Variants in PPP1R2 observed in about 807,000 individuals in gnomAD.
PPP1R2 encodes protein phosphatase 1 regulatory inhibitor subunit 2.
PPP1R2 carries 16 observed loss-of-function variants against 29.9 expected under a neutral mutation model. That is an observed-to-expected ratio of 0.53 (90% CI 0.36 to 0.81). The LOEUF (loss-of-function observed/expected upper bound fraction) is 0.81, where lower values mean the gene tolerates loss of function less well. Ranked by LOEUF, PPP1R2 falls within the 30% of genes least tolerant of loss-of-function variation. The pLI, the probability that PPP1R2 is intolerant of heterozygous loss-of-function variation, is 0.00. For synonymous variants in PPP1R2, 76 were observed against 91.5 expected, an observed-to-expected ratio of 0.83 and a Z score of 0.96; for missense variants, 197 against 252.7, an observed-to-expected ratio of 0.78 and a Z score of 1.49.
intron 1 of PPP1R2, among the ~76,000 whole-genome samples, chr3:195,539,337 T>G (rs1053792595): frequency 6.6e-6 from 1 of 152,234 alleles, no homozygotes; most frequent in Non-Finnish European, 1.5e-5. Flanking sequence ...TACTTAGTTA[T>G]GTGGATTTAT....
chr3:195,517,908 C>T (rs1352574716), intron 5 of PPP1R2, among the ~76,000 whole-genome samples: 2 of 152,164 alleles, frequency 1.3e-5, no homozygotes, highest in African/African-American at 4.8e-5. Context: ...GTAATCCTGA[C>T]ACTATGAGAC....
rs1246780060 is a variant in PPP1R2 at position 195,516,205 on chromosome 3, C to A, written c.*691G>T. Reference sequence around the variant, plus strand: ...TACCAAAAACATTAAAAAACAAAAACAAACAAAAACCCCCCAAAAACAAAA... The same window carrying A: ...TACCAAAAACATTAAAAAACAAAAAAAAACAAAAACCCCCCAAAAACAAAA... On this transcript the variant is annotated 3_prime_UTR_variant, in exon 6 of 6. Transcript: ENST00000618156. 3 of 152,360 alleles carry A rather than the reference C, an allele frequency of 2.0e-5. No individual in the cohort carries two copies. Among genetic ancestry groups the A allele is most frequent in the Admixed American group, 1.3e-4 (2 of 15,254 alleles). The allele number at this position is 152,360 out of a possible 1,614,324, so 9.4% of individuals were successfully genotyped here.
At chr3:195,520,207 A>C (rs1167874936) in intron 4 of PPP1R2, among the ~76,000 whole-genome samples, 1 of 152,164 alleles carries the variant, frequency 6.6e-6, no homozygotes, top group Non-Finnish European at 1.5e-5. Context: ...ACGGGGTTTC[A>C]TCATGTTGGC....
intron 4 of PPP1R2, among the ~76,000 whole-genome samples, chr3:195,521,151 T>C (rs1000323691): frequency 9.2e-5 from 14 of 151,650 alleles, no homozygotes; most frequent in African/African-American, 2.7e-4. Context: ...CCGTCTCTAC[T>C]GAAAATACAA....
intron 3 of PPP1R2, among the ~76,000 whole-genome samples, chr3:195,524,425 T>G (rs1718884552): frequency 6.6e-6 from 1 of 152,172 alleles, no homozygotes; most frequent in Admixed American, 6.5e-5. Flanking sequence ...CTGGGGAGGC[T>G]GAGGCACGAG....
intron 1 of PPP1R2, among the ~76,000 whole-genome samples, chr3:195,537,481 T>TTTTTTGTGTGTGTG (rs150119072): frequency 2.3e-5 from 3 of 128,514 alleles, no homozygotes; most frequent in Non-Finnish European, 3.2e-5. Context: ...GGATTAGCTA[T>TTTTTTGTGTGTGTG]TGTGTGTGTG....
At chr3:195,522,243 C>G (rs1161719262) in intron 4 of PPP1R2, among the ~76,000 whole-genome samples, 2 of 152,114 alleles carry the variant, frequency 1.3e-5, no homozygotes, top group African/African-American at 4.8e-5. Flanking sequence ...AAGTGGCATA[C>G]CTGGAGCACA....
At chr3:195,522,414 G>C (rs1718795613) in intron 4 of PPP1R2, among the ~76,000 whole-genome samples, 1 of 152,118 alleles carries the variant, frequency 6.6e-6, no homozygotes, top group Non-Finnish European at 1.5e-5. Context: ...ATGAATTAAT[G>C]AAATTATAAT....
At chr3:195,518,576 A>G (rs940686527) in intron 5 of PPP1R2, among the ~76,000 whole-genome samples, 4 of 151,810 alleles carry the variant, frequency 2.6e-5, no homozygotes, top group Non-Finnish European at 4.4e-5. Flanking sequence ...GCGGGAACCC[A>G]GGAGGCGGAG....
In PPP1R2 at chr3:195,516,942, C is replaced by A. The variant is rs1428650398; in HGVS notation, c.572G>T (p.Gly191Val). ...TTGCTGTTGGTCACTTGGAGTAGAT[C>A]CTGCAAAGATAAAAGAAAAAGTCAA... The part of the protein sequence containing the change: ...ESMNTEESNQ[G>V]STPSDQQQNK... The change falls in exon 6 of 6, where the codon GGA becomes GTA. Residue 191 changes from glycine to valine, a missense_variant and splice_region_variant. Gly to Val is a moderately radical substitution (Grantham distance 109). Transcript: ENST00000618156. The A allele has an allele frequency of 6.2e-7, 1 of 1,611,934 alleles. No individual in the cohort carries two copies. The highest frequency in any genetic ancestry group is 1.1e-5 in the South Asian group (1 of 90,986).
At chr3:195,531,307 GA>G (rs1239160397) in intron 1 of PPP1R2, among the ~76,000 whole-genome samples, 1 of 152,070 alleles carries the variant, frequency 6.6e-6, no homozygotes, top group Non-Finnish European at 1.5e-5. Context: ...TATGTACTTG[GA>G]AAAACCTGCC....
At chr3:195,520,946 G>C (rs925755625) in intron 4 of PPP1R2, among the ~76,000 whole-genome samples, 40 of 152,222 alleles carry the variant, frequency 2.6e-4, no homozygotes, top group African/African-American at 8.4e-4. Context: ...TGGGATTACA[G>C]GTGTAAGACA....
At chr3:195,531,884 G>A (rs1719191930) in intron 1 of PPP1R2, among the ~76,000 whole-genome samples, 1 of 152,134 alleles carries the variant, frequency 6.6e-6, no homozygotes, top group South Asian at 2.1e-4. Flanking sequence ...CCTAGACCTG[G>A]CAACCACCAT....
At position 195,532,042 on chromosome 3, in the gene PPP1R2, C is replaced by CT. The variant is rs1719199225; in HGVS notation, c.123-2142dup. Reference sequence around the variant, plus strand: ...TTGTAGCATGTGTCAGAATGTCTCTCTTTTTTTAAGAGACTGGGTCTCTGT... The same window carrying CT: ...TTGTAGCATGTGTCAGAATGTCTCTCTTTTTTTTAAGAGACTGGGTCTCTGT... On this transcript the variant is annotated intron_variant, in intron 1 of 5. Transcript: ENST00000618156. Among the ~76,000 whole-genome samples the CT allele has an allele frequency of 1.3e-5, 2 of 151,890 alleles. 1 individual carries two copies. The highest frequency in any genetic ancestry group is 4.1e-4 in the South Asian group (2 of 4,820).
At chr3:195,541,574 G>A (rs1217312560) in intron 1 of PPP1R2, among the ~76,000 whole-genome samples, 2 of 150,902 alleles carry the variant, frequency 1.3e-5, no homozygotes, top group African/African-American at 4.9e-5. Flanking sequence ...TGAGATTACA[G>A]GCGTGAGCCA....
chr3:195,523,570 C>T (rs1718848537), intron 4 of PPP1R2, 122 bp downstream of exon 4: 4 of 722,964 alleles, frequency 5.5e-6, no homozygotes, highest in South Asian at 1.7e-5. Context: ...AAAGATGTTG[C>T]TTTCATTCTC....
At chr3:195,540,829 G>A (rs863727) in intron 1 of PPP1R2, among the ~76,000 whole-genome samples, 55,174 of 151,970 alleles carry the variant, frequency 0.36, 10,428 homozygotes, top group African/African-American at 0.4. Flanking sequence ...CTCCAGAACC[G>A]TAAGAAATAA....
chr3:195,526,615 T>G (rs1026537481), intron 2 of PPP1R2, among the ~76,000 whole-genome samples: 2 of 152,068 alleles, frequency 1.3e-5, no homozygotes. Context: ...ATTCTGAAAT[T>G]TTTTTTCTTT....
Position 195,523,746 on chromosome 3 carries a change from G to C in PPP1R2, c.349C>G (p.Gln117Glu). 6.2e-7 allele frequency: 1 copy of C among 1,614,162 alleles called. No individual in the cohort carries two copies. The highest frequency in any genetic ancestry group is 8.5e-7 in the Non-Finnish European group (1 of 1,180,030). ...AEGLEPKYRIQEQESSGEEDS... is the reference protein window; with the variant it reads ...AEGLEPKYRIEEQESSGEEDS... The stretch of plus-strand genomic sequence containing the variant: ...TCCTCTCCACTGCTTTCTTGTTCCT[G>C]AATCCGATACTTTGGCTCCAAGCCT... Residue 117 changes from glutamine to glutamate, a missense_variant, in exon 4 of 6, where the codon CAG (glutamine) becomes GAG (glutamate). By Grantham distance (29) the Gln-to-Glu change is conservative. Transcript: ENST00000618156.
Sources: gnomAD v4.1 joint callset for allele counts (sites outside exome capture counted in the v4.1 genomes callset) on GRCh38, gnomAD v4.1.1 for gene constraint, MANE v1.5 for transcripts, NCBI Gene and HGNC (gene_info 2026-07-23, HGNC 2026-07-21) for gene names.